The following ZDHHC14 variants were observed in gnomAD, a reference collection of about 807,000 sequenced individuals.
The protein encoded by ZDHHC14 is zDHHC palmitoyltransferase 14, also known as palmitoyltransferase ZDHHC14.
Under a neutral mutation model 47.7 loss-of-function variants are expected in ZDHHC14, and 16 were observed. The observed-to-expected ratio is 0.34, with a 90% CI of 0.23 to 0.51. ZDHHC14 has a LOEUF of 0.51. Among genes scored for constraint, ZDHHC14 ranks in the 20% least tolerant of loss-of-function variants. ZDHHC14 has a pLI of 0.97. For missense variants in ZDHHC14, 515 were observed against 662.5 expected, an observed-to-expected ratio of 0.78 and a Z score of 2.44; for synonymous variants, 293 against 278.9, an observed-to-expected ratio of 1.05 and a Z score of -0.50.
chr6:157,541,121 A>T (rs1781746785), intron 1 of ZDHHC14, among the ~76,000 whole-genome samples: 1 of 152,028 alleles, frequency 6.6e-6, no homozygotes, highest in South Asian at 2.1e-4. Flanking sequence ...TGTTTAGACA[A>T]TATTTTTTTG....
chr6:157,473,995 T>C (rs1779419379), intron 1 of ZDHHC14, among the ~76,000 whole-genome samples: 1 of 150,040 alleles, frequency 6.7e-6, no homozygotes, highest in Non-Finnish European at 1.5e-5. Context: ...TTTCTTTTTT[T>C]TTTTTTTTTT....
chr6:157,430,761 C>T (rs1033044073), intron 1 of ZDHHC14, among the ~76,000 whole-genome samples: 1 of 152,234 alleles, frequency 6.6e-6, no homozygotes, highest in African/African-American at 2.4e-5. Context: ...TCTGTGGGAC[C>T]ACTATTCTGC....
At chr6:157,410,746 G>T (rs952439468) in intron 1 of ZDHHC14, among the ~76,000 whole-genome samples, 2 of 152,124 alleles carry the variant, frequency 1.3e-5, no homozygotes, top group African/African-American at 4.8e-5. Flanking sequence ...CGCCTGGCTA[G>T]AGTGCAGTGG....
In ZDHHC14 at chr6:157,502,440, G is replaced by A. The variant is rs1780213575; in HGVS notation, c.246-40145G>A. 6.6e-6 allele frequency among the ~76,000 whole-genome samples: 1 copy of A among 152,188 alleles called. No individual in the cohort carries two copies. The highest frequency in any genetic ancestry group is 2.1e-4 in the South Asian group (1 of 4,820). On this transcript the variant is annotated intron_variant, in intron 1 of 8. Coordinates refer to ENST00000359775, the MANE Select transcript of ZDHHC14 (RefSeq NM_024630.3). This position sits in a 1 kb window ranked among gnomAD's most constrained non-coding sequence, Gnocchi z 4.0. ...TTAATTAGCAGCAACTATTCTGAAT[G>A]ATCCTGTTCAAGGGTTTTCAAAACC...
rs1008740022 is a variant in ZDHHC14 at position 157,674,871 on chromosome 6, G to T, written c.*1749G>T. 1 of 152,192 alleles carries T rather than the reference G, an allele frequency of 6.6e-6. No homozygotes were observed. The highest frequency in any genetic ancestry group is 1.5e-5 in the Non-Finnish European group (1 of 68,044). The allele number at this position is 152,192 out of a possible 1,614,324, so 9.4% of individuals were successfully genotyped here. The stretch of plus-strand genomic sequence containing the variant: ...ATGCTGCATGCACGTATAGAAAATG[G>T]AATAGGTCCATTCTATGTAGCCATT... On this transcript the variant is annotated 3_prime_UTR_variant, in exon 9 of 9. Coordinates refer to ENST00000359775, the MANE Select transcript of ZDHHC14 (RefSeq NM_024630.3).
intron 1 of ZDHHC14, among the ~76,000 whole-genome samples, chr6:157,389,472 A>G (rs1402339974): frequency 1.3e-5 from 2 of 152,208 alleles, no homozygotes; most frequent in African/African-American, 4.8e-5. Context: ...GTCCGTATTC[A>G]GATTTTGCCA....
chr6:157,458,849 A>ATTTTTGTTTTTTTTTTTTTTTTT (rs1778991969), intron 1 of ZDHHC14, among the ~76,000 whole-genome samples: 1 of 81,226 alleles, frequency 1.2e-5, no homozygotes, highest in East Asian at 4.6e-4. Flanking sequence ...ATGTGGGTGG[A>ATTTTTGTTTTTTTTTTTTTTTTT]TTTTTTTTTT....
intron 1 of ZDHHC14, among the ~76,000 whole-genome samples, chr6:157,535,867 A>G (rs1158237331): frequency 2.0e-5 from 3 of 152,124 alleles, no homozygotes; most frequent in Non-Finnish European, 2.9e-5. Flanking sequence ...GTGGTGGTAG[A>G]TTTATTTCTA....
chr6:157,498,960 T>C (rs981427939), intron 1 of ZDHHC14, among the ~76,000 whole-genome samples: 3 of 152,194 alleles, frequency 2.0e-5, no homozygotes, highest in South Asian at 4.1e-4. Flanking sequence ...ATTTGATTCA[T>C]ATGGGTTCTT....
rs575925445 is a variant in ZDHHC14, at chr6:157,462,058, A to G, written c.245+79792A>G. On this transcript the variant is annotated intron_variant, in intron 1 of 8. Coordinates refer to ENST00000359775, the MANE Select transcript of ZDHHC14 (RefSeq NM_024630.3). ...GGGGCTCTGCAGGGGGCATCAGACA[A>G]CCTCATTTCCCTTAATACAACTCAC... Among the ~76,000 whole-genome samples, 7 of 152,276 alleles carry G rather than the reference A, an allele frequency of 4.6e-5. No homozygotes were observed. In the East Asian group the frequency reaches 1.4e-3, roughly 29 times the overall value.
At position 157,668,675 on chromosome 6, in the gene ZDHHC14, G is replaced by C. The variant is rs372660664; in HGVS notation, c.1069-4049G>C. Among the ~76,000 whole-genome samples the C allele has an allele frequency of 3.0e-4, 46 of 152,278 alleles. No individual in the cohort carries two copies. The East Asian group carries it at 6.2e-3, about 20-fold the overall frequency. ...AGATCGTGCCACTGCACTCCAGCCTGGGTGACAGAGTGAGACTCCATCTCA... is the reference window on the plus strand; with the variant it reads ...AGATCGTGCCACTGCACTCCAGCCTCGGTGACAGAGTGAGACTCCATCTCA... On this transcript the variant is annotated intron_variant, in intron 8 of 8. Coordinates refer to ENST00000359775, the MANE Select transcript of ZDHHC14 (RefSeq NM_024630.3).
chr6:157,486,885 G>C (rs1779793118), intron 1 of ZDHHC14, among the ~76,000 whole-genome samples: 1 of 152,222 alleles, frequency 6.6e-6, no homozygotes, highest in South Asian at 2.1e-4. Context: ...ATGAGGTGAG[G>C]AGACGCAGGA....
intron 2 of ZDHHC14, among the ~76,000 whole-genome samples, chr6:157,549,267 G>T (rs141580716): frequency 2.4e-4 from 36 of 152,354 alleles, no homozygotes; most frequent in African/African-American, 8.2e-4. Context: ...CTAGTATGCC[G>T]CGGCCGGCGG....
chr6:157,640,432 G>A lies in ZDHHC14; in HGVS notation c.753-5305G>A, dbSNP rs151097374. Among the ~76,000 whole-genome samples, 8 of 152,328 alleles carry A rather than the reference G, an allele frequency of 5.3e-5. No homozygotes were observed. In the East Asian group the frequency reaches 1.5e-3, roughly 29 times the overall value. ...TAATGGAATTTTCTAGGAGGCTCCAGGTTGGCCCACAGAAAGGACACCACA... is the reference window on the plus strand; with the variant it reads ...TAATGGAATTTTCTAGGAGGCTCCAAGTTGGCCCACAGAAAGGACACCACA... On this transcript the variant is annotated intron_variant, in intron 5 of 8. Coordinates refer to ENST00000359775, the MANE Select transcript of ZDHHC14 (RefSeq NM_024630.3).
chr6:157,608,128 C>T (rs142178420), intron 3 of ZDHHC14, among the ~76,000 whole-genome samples: 2 of 152,318 alleles, frequency 1.3e-5, no homozygotes, highest in South Asian at 2.1e-4. Context: ...GCTGACACTT[C>T]GCTGGAGGAC....
chr6:157,384,551 G>A (rs898125097), intron 1 of ZDHHC14, among the ~76,000 whole-genome samples: 11 of 152,124 alleles, frequency 7.2e-5, no homozygotes. Flanking sequence ...ATATGTGTGT[G>A]TGTTTGCTCT....
chr6:157,524,326 G>A (rs924096545), intron 1 of ZDHHC14, among the ~76,000 whole-genome samples: 1 of 151,990 alleles, frequency 6.6e-6, no homozygotes, highest in African/African-American at 2.4e-5. Flanking sequence ...TAGAGATGGG[G>A]TTTCACCATG....
At chr6:157,534,412 A>T (rs981510453) in intron 1 of ZDHHC14, among the ~76,000 whole-genome samples, 1 of 152,206 alleles carries the variant, frequency 6.6e-6, no homozygotes, top group Non-Finnish European at 1.5e-5. Context: ...AATCTGGGGC[A>T]TGTGGTTGCC....
intron 1 of ZDHHC14, among the ~76,000 whole-genome samples, chr6:157,453,102 C>T (rs781361185): frequency 6.6e-6 from 1 of 152,048 alleles, no homozygotes; most frequent in East Asian, 1.9e-4. Flanking sequence ...GATTGCCTGT[C>T]CTACAAATGT....
Sources: gnomAD v4.1 joint callset for allele counts (sites outside exome capture counted in the v4.1 genomes callset) on GRCh38, gnomAD v4.1.1 for gene constraint, Gnocchi (gnomAD v3.1) non-coding constraint, MANE v1.5 for transcripts, NCBI Gene and HGNC (gene_info 2026-07-23, HGNC 2026-07-21) for gene names.